Variants in GSE1 observed in about 807,000 individuals in gnomAD.
The protein encoded by GSE1 is genetic suppressor element 1.
A neutral mutation model predicts 112.6 loss-of-function variants in GSE1; 32 were observed. The observed-to-expected ratio is 0.28, with a 90% confidence interval of 0.21 to 0.38. GSE1 has a LOEUF of 0.38. GSE1 is among the 10% of genes least tolerant of loss of function. GSE1 has a pLI of 1.00. For synonymous variants in GSE1, 1,115 were observed against 735.6 expected, an observed-to-expected ratio of 1.52 and a Z score of -8.35; for missense variants, 2,348 against 1,699.2, an observed-to-expected ratio of 1.38 and a Z score of -6.71.
At position 85,255,096 on chromosome 16, in the gene GSE1, G is replaced by C. The variant is rs549680336; in HGVS notation, c.2283+83289G>C. ...TGGGCCCAGAGAGGGAGGCGGCGGCGGCGGTCGCTGTTGCCAGCTTCCGGC... is the reference window on the plus strand; with the variant it reads ...TGGGCCCAGAGAGGGAGGCGGCGGCCGCGGTCGCTGTTGCCAGCTTCCGGC... On this transcript the variant is annotated intron_variant, in intron 1 of 2. Transcript: ENST00000637419. Among the ~76,000 whole-genome samples, 11 of 152,304 alleles carry C rather than the reference G, an allele frequency of 7.2e-5. No individual in the cohort carries two copies. In the South Asian group the frequency reaches 2.3e-3, roughly 32 times the overall value.
chr16:85,619,090 C>G (rs1425190053), intron 1 of GSE1, among the ~76,000 whole-genome samples: 2 of 152,218 alleles, frequency 1.3e-5, no homozygotes, highest in African/African-American at 2.4e-5. Flanking sequence ...GCTCAAGTCA[C>G]CACAGCAGAC....
chr16:85,587,650 G>A (rs1260018748), intron 1 of GSE1, among the ~76,000 whole-genome samples: 1 of 152,160 alleles, frequency 6.6e-6, no homozygotes, highest in Non-Finnish European at 1.5e-5. Flanking sequence ...GCTGGAGTAT[G>A]GGTTGCAAGG....
chr16:85,583,408 TTTG>T (rs1385883857), intron 1 of GSE1: 2 of 152,210 alleles, frequency 1.3e-5, no homozygotes, highest in African/African-American at 4.8e-5. Flanking sequence ...CCAGGGTGGT[TTTG>T]TTGTCATAAC....
At chr16:85,618,250 T>G (rs532685337) in intron 1 of GSE1, among the ~76,000 whole-genome samples, 1 of 152,088 alleles carries the variant, frequency 6.6e-6, no homozygotes, top group South Asian at 2.1e-4. Flanking sequence ...CCTTCCACTT[T>G]AATCATCACG....
intron 1 of GSE1, among the ~76,000 whole-genome samples, chr16:85,310,592 C>T (rs952377019): frequency 4.6e-5 from 7 of 151,820 alleles, no homozygotes; most frequent in Non-Finnish European, 8.8e-5. Context: ...TTGCTTCTCC[C>T]TTTGAGCCCC....
chr16:85,361,620 G>A (rs917957062), intron 2 of GSE1, among the ~76,000 whole-genome samples: 2 of 152,300 alleles, frequency 1.3e-5, no homozygotes, highest in African/African-American at 2.4e-5. Context: ...GACTGTAACC[G>A]CCCAGGGCCG....
chr16:85,644,665 G>C (rs543466866), intron 2 of GSE1, among the ~76,000 whole-genome samples: 4 of 152,228 alleles, frequency 2.6e-5, no homozygotes, highest in African/African-American at 4.8e-5. Flanking sequence ...AGACGGGAGT[G>C]GTTGCTCATG....
At chr16:85,228,242 G>T (rs1024323726) in intron 1 of GSE1, among the ~76,000 whole-genome samples, 1 of 152,270 alleles carries the variant, frequency 6.6e-6, no homozygotes, top group Admixed American at 6.5e-5. Context: ...AGTGTCAAGA[G>T]CTACAGACAG....
chr16:85,626,605 C>T (rs1015532775), intron 1 of GSE1, among the ~76,000 whole-genome samples: 5 of 152,144 alleles, frequency 3.3e-5, no homozygotes, highest in Admixed American at 2.0e-4. Context: ...GTGTAATTAC[C>T]CCACGGGGGG....
intron 2 of GSE1, among the ~76,000 whole-genome samples, chr16:85,448,003 G>C (rs2049562474): frequency 6.6e-6 from 1 of 152,174 alleles, no homozygotes; most frequent in South Asian, 2.1e-4. Flanking sequence ...AATCTTAATG[G>C]CAGAGGGAGA....
chr16:85,366,606 G>C (rs2047190905), intron 2 of GSE1, among the ~76,000 whole-genome samples: 1 of 152,174 alleles, frequency 6.6e-6, no homozygotes, highest in Non-Finnish European at 1.5e-5. Context: ...ACCCATGCTG[G>C]GTCTAGAGAC....
chr16:85,222,719 G>T (rs2075415236), intron 1 of GSE1, among the ~76,000 whole-genome samples: 1 of 152,160 alleles, frequency 6.6e-6, no homozygotes, highest in Admixed American at 6.5e-5. Flanking sequence ...TCTCTGCGTG[G>T]ACTGCCGGGA....
intron 2 of GSE1, among the ~76,000 whole-genome samples, chr16:85,644,839 C>A (rs1398404764): frequency 2.4e-5 from 3 of 124,450 alleles, no homozygotes; most frequent in South Asian, 2.6e-4. Context: ...AACCCAAGAG[C>A]CATGGAGGTT....
intron 1 of GSE1, among the ~76,000 whole-genome samples, chr16:85,614,728 C>T (rs575651790): frequency 6.6e-6 from 1 of 152,332 alleles, no homozygotes; most frequent in South Asian, 2.1e-4. Flanking sequence ...AGCCTTTGTA[C>T]AAAGTGCGTT....
At chr16:85,453,796 C>A (rs192182689) in intron 2 of GSE1, among the ~76,000 whole-genome samples, 56 of 152,306 alleles carry the variant, frequency 3.7e-4, no homozygotes, top group African/African-American at 1.2e-3. Flanking sequence ...CAGCTCTGGG[C>A]GGACCCCCAG....
intron 1 of GSE1, among the ~76,000 whole-genome samples, chr16:85,624,583 C>T (rs556875184): frequency 4.6e-5 from 7 of 152,334 alleles, no homozygotes; most frequent in East Asian, 1.9e-4. Flanking sequence ...TCTCTTCGCA[C>T]ATTAAAGGGA....
intron 1 of GSE1, among the ~76,000 whole-genome samples, chr16:85,204,759 C>G (rs968002977): frequency 5.3e-5 from 8 of 152,234 alleles, no homozygotes; most frequent in Non-Finnish European, 1.2e-4. Context: ...AAGCTGAGCT[C>G]ACAGGGTGGG....
intron 2 of GSE1, among the ~76,000 whole-genome samples, chr16:85,364,990 G>C (rs977584258): frequency 6.6e-6 from 1 of 152,214 alleles, no homozygotes. Flanking sequence ...GGCTGTCTTC[G>C]AGGCTGTCTT....
chr16:85,302,151 GA>G (rs1270903088), intron 1 of GSE1, among the ~76,000 whole-genome samples: 3 of 152,152 alleles, frequency 2.0e-5, no homozygotes, highest in African/African-American at 7.2e-5. Flanking sequence ...GGGGAGAGGA[GA>G]CACAGCCCAG....
Sources: allele counts gnomAD v4.1 joint callset (sites outside exome capture counted in the v4.1 genomes callset), GRCh38; gene constraint gnomAD v4.1.1; transcripts MANE v1.5; gene names NCBI Gene and HGNC (gene_info 2026-07-23, HGNC 2026-07-21).